SRD5A1: variants seen among roughly 807,000 people sequenced by gnomAD.
SRD5A1 encodes the protein steroid 5 alpha-reductase 1.
SRD5A1 carries 22 observed loss-of-function variants against 28.2 expected under a neutral mutation model. The observed-to-expected ratio is 0.78, with a 90% CI of 0.56 to 1.12. The LOEUF (loss-of-function observed/expected upper bound fraction) is 1.12, where lower values mean the gene tolerates loss of function less well. Among genes scored for constraint, SRD5A1 ranks in the 50% most tolerant of loss-of-function variants. The pLI is 0.00. For missense variants in SRD5A1, 300 were observed against 346.7 expected, an observed-to-expected ratio of 0.87 and a Z score of 1.07; for synonymous variants, 151 against 135.0, an observed-to-expected ratio of 1.12 and a Z score of -0.82.
intron 1 of SRD5A1, among the ~76,000 whole-genome samples, chr5:6,642,807 T>G (rs193744): frequency 0.18 from 27,674 of 152,188 alleles, 2,825 homozygotes; most frequent in African/African-American, 0.25. Context: ...GATGAAACTT[T>G]ATTAAGCCAT....
chr5:6,668,462 A>G lies in SRD5A1; in HGVS notation c.*194A>G, dbSNP rs1332395479. 1 of 440,312 alleles carries G rather than the reference A, an allele frequency of 2.3e-6. No homozygotes were observed. The highest frequency in any genetic ancestry group is 2.1e-5 in the African/African-American group (1 of 48,638). 27.3% of individuals were successfully genotyped at this position (440,312 alleles called of 1,614,324 possible). A position where few individuals can be genotyped will look rare whatever the true frequency, so the allele number is the denominator to read the frequency against. ...AAATACGCTGAAATGGAGGTTGAAT[A>G]TCCTACTGTGTAACAGGTCAGAATT... On this transcript the variant is annotated 3_prime_UTR_variant, in exon 5 of 5. Transcript: ENST00000274192.
chr5:6,633,888 G>A lies in SRD5A1; in HGVS notation c.293+19G>A, dbSNP rs1738078906. The A allele has an allele frequency of 4.4e-6, 7 of 1,595,814 alleles. No homozygotes were observed. Among genetic ancestry groups the A allele is most frequent in the Non-Finnish European group, 5.1e-6 (6 of 1,178,740 alleles). ...GGCATCGGTAACGTCCCCGGCCCCC[G>A]GCCCCCTACCCTACTCCCGGCCCGG... On this transcript the variant is annotated intron_variant, in intron 1 of 4. Transcript: ENST00000274192.
At position 6,666,205 on chromosome 5, in the gene SRD5A1, T is replaced by C. The variant is rs572800678; in HGVS notation, c.714-1997T>C. Among the ~76,000 whole-genome samples the C allele has an allele frequency of 1.6e-3, 236 of 152,256 alleles. 1 individual carries two copies. Among genetic ancestry groups the C allele is most frequent in the South Asian group, 5.0e-3 (24 of 4,818 alleles). ...CTCTGTCGCCCAGGCTGGAGTGCAG[T>C]GGCGCGATCTCGGCTCACTGCAAGC... On this transcript the variant is annotated intron_variant, in intron 4 of 4. Coordinates refer to ENST00000274192, the MANE Select transcript of SRD5A1 (RefSeq NM_001047.4).
At chr5:6,642,509 G>T (rs1202485177) in intron 1 of SRD5A1, among the ~76,000 whole-genome samples, 1 of 152,168 alleles carries the variant, frequency 6.6e-6, no homozygotes, top group Non-Finnish European at 1.5e-5. Flanking sequence ...TATATCCACT[G>T]CAAACTCATG....
chr5:6,649,139 T>C (rs1403433077), intron 1 of SRD5A1, among the ~76,000 whole-genome samples: 3 of 152,140 alleles, frequency 2.0e-5, no homozygotes, highest in African/African-American at 7.2e-5. Context: ...GCCAGAGCTC[T>C]CCAGTATGAG....
rs373452172 is a variant in SRD5A1 at position 6,633,961 on chromosome 5, C to T, written c.293+92C>T. The T allele has an allele frequency of 6.8e-5, 95 of 1,386,866 alleles. 1 individual carries two copies. The East Asian group carries it at 8.5e-4, about 12-fold the overall frequency. The allele number at this position is 1,386,866 out of a possible 1,614,324, so 85.9% of individuals were successfully genotyped here. The stretch of plus-strand genomic sequence containing the variant: ...ACTGCCCGGTGCCCTCTCCCCGAAG[C>T]CTCCCCCACCCAGATGCCCTCTCCC... On this transcript the variant is annotated intron_variant, in intron 1 of 4. Coordinates refer to ENST00000274192, the MANE Select transcript of SRD5A1 (RefSeq NM_001047.4).
rs570603129 is a variant in SRD5A1, at chr5:6,634,320, CTG to C, written c.293+453_293+454del. 9.9e-4 allele frequency among the ~76,000 whole-genome samples: 150 copies of C among 150,882 alleles called. 1 individual carries two copies. Among genetic ancestry groups the C allele is most frequent in the African/African-American group, 3.5e-3 (145 of 41,002 alleles). ...CCAGCCTGGGTGACAGAGCGAGACT[CTG>C]TCTCAAAATTAAATATATAAAAATA... On this transcript the variant is annotated intron_variant, in intron 1 of 4. Transcript: ENST00000274192.
rs569265644 is a variant in SRD5A1 at position 6,656,916 on chromosome 5, A to G, written c.562+737A>G. On this transcript the variant is annotated intron_variant, in intron 3 of 4. Transcript: ENST00000274192. ...GCACCATGAGGGAGAGCGTAATTCAACATGAAAGATTTCAGATGTTAGAAT... is the reference window on the plus strand; with the variant it reads ...GCACCATGAGGGAGAGCGTAATTCAGCATGAAAGATTTCAGATGTTAGAAT... Among the ~76,000 whole-genome samples, 3 of 152,326 alleles carry G rather than the reference A, an allele frequency of 2.0e-5. No individual in the cohort carries two copies. The East Asian group carries it at 5.8e-4, about 29-fold the overall frequency.
chr5:6,657,763 G>T (rs1346862960), intron 3 of SRD5A1, among the ~76,000 whole-genome samples: 1 of 152,178 alleles, frequency 6.6e-6, no homozygotes, highest in Non-Finnish European at 1.5e-5. Flanking sequence ...GGCCTGCGGT[G>T]CCTTATACAG....
intron 2 of SRD5A1, among the ~76,000 whole-genome samples, chr5:6,654,787 A>G (rs757153610): frequency 3.9e-5 from 6 of 152,254 alleles, no homozygotes; most frequent in Non-Finnish European, 5.9e-5. Flanking sequence ...GAACACAAGT[A>G]CTAGTTTTCT....
At chr5:6,662,176 A>G (rs976773569) in intron 3 of SRD5A1, among the ~76,000 whole-genome samples, 2 of 152,182 alleles carry the variant, frequency 1.3e-5, no homozygotes, top group Non-Finnish European at 2.9e-5. Flanking sequence ...CAAGCCTTGA[A>G]TCGACCCTCA....
intron 2 of SRD5A1, among the ~76,000 whole-genome samples, chr5:6,654,886 T>A (rs1236611749): frequency 1.3e-5 from 2 of 152,234 alleles, no homozygotes; most frequent in African/African-American, 4.8e-5. Context: ...TTCTAGAATC[T>A]CATATTGGAA....
rs1739256928 is a variant in SRD5A1, at chr5:6,668,428, T to TA, written c.*162dup. ...TCTAGTAATTTTGCAATCTACCTAA[T>TA]AAGTACCTAAATACGCTGAAATGGA... is the stretch of plus-strand genomic sequence containing the variant. On this transcript the variant is annotated 3_prime_UTR_variant, in exon 5 of 5. Transcript: ENST00000274192. 6 of 505,486 alleles carry TA rather than the reference T, an allele frequency of 1.2e-5. No homozygotes were observed. In the South Asian group the frequency reaches 1.9e-4, roughly 16 times the overall value. 31.3% of individuals were successfully genotyped at this position (505,486 alleles called of 1,614,324 possible). A position where few individuals can be genotyped will look rare whatever the true frequency, so the allele number is the denominator to read the frequency against.
At chr5:6,659,315 G>A (rs248802) in intron 3 of SRD5A1, among the ~76,000 whole-genome samples, 27,616 of 151,612 alleles carry the variant, frequency 0.18, 2,726 homozygotes, top group East Asian at 0.24. Flanking sequence ...GGGTTTCACC[G>A]TGTTAGCCAG....
At chr5:6,665,622 A>C (rs1475693016) in intron 4 of SRD5A1, among the ~76,000 whole-genome samples, 1 of 152,184 alleles carries the variant, frequency 6.6e-6, no homozygotes, top group Non-Finnish European at 1.5e-5. Flanking sequence ...TTATATTCCT[A>C]ATATTTGATG....
At position 6,633,675 on chromosome 5, in the gene SRD5A1, G is replaced by A. The variant is rs764387085; in HGVS notation, c.99G>A (p.Gln33=). Residue 33 remains glutamine (Q), a synonymous_variant, in exon 1 of 5, where the codon CAG becomes CAA. Transcript: ENST00000274192. ...VGCAVFARNR[Q]TNSVYGRHAL... ...GCGCGGTCTTCGCGCGCAATCGTCA[G>A]ACGAACTCAGTGTACGGCCGCCACG... The A allele has an allele frequency of 3.2e-6, 5 of 1,585,318 alleles. No homozygotes were observed. In the Admixed American group the frequency reaches 5.2e-5, roughly 16 times the overall value.
At chr5:6,643,867 T>C (rs1206426475) in intron 1 of SRD5A1, among the ~76,000 whole-genome samples, 1 of 152,232 alleles carries the variant, frequency 6.6e-6, no homozygotes, top group Non-Finnish European at 1.5e-5. Context: ...GTTCTAGTTT[T>C]TCTGACCAGT....
chr5:6,656,241 G>A (rs771624152), intron 3 of SRD5A1, 62 bp downstream of exon 3: 16 of 1,347,062 alleles, frequency 1.2e-5, no homozygotes, highest in Non-Finnish European at 1.7e-5. Context: ...GGCTATTTTA[G>A]TGTTGCCAGC....
chr5:6,668,445 T>C lies in SRD5A1; in HGVS notation c.*177T>C. On this transcript the variant is annotated 3_prime_UTR_variant, in exon 5 of 5. Transcript: ENST00000274192. ...CTACCTAATAAGTACCTAAATACGC[T>C]GAAATGGAGGTTGAATATCCTACTG... is the stretch of plus-strand genomic sequence containing the variant. The C allele has an allele frequency of 8.6e-6, 4 of 465,222 alleles. No individual in the cohort carries two copies. The South Asian group carries it at 1.2e-4, about 13-fold the overall frequency. 28.8% of individuals were successfully genotyped at this position (465,222 alleles called of 1,614,324 possible).
Sources: allele counts gnomAD v4.1 joint callset (sites outside exome capture counted in the v4.1 genomes callset), GRCh38; gene constraint gnomAD v4.1.1; transcripts MANE v1.5; gene names NCBI Gene and HGNC (gene_info 2026-07-23, HGNC 2026-07-21).